IL12RB2: variants seen among roughly 807,000 people sequenced by gnomAD.
IL12RB2 encodes the protein interleukin 12 receptor subunit beta 2.
IL12RB2 carries 82 observed loss-of-function variants against 89.4 expected under a neutral mutation model. The ratio of observed to expected loss-of-function variants is 0.92; its 90% CI spans 0.77 to 1.10. The LOEUF (loss-of-function observed/expected upper bound fraction) is 1.10. Among genes scored for constraint, IL12RB2 ranks in the 50% least tolerant of loss-of-function variants. The probability of loss-of-function intolerance (pLI) is 0.00; values close to 1 mark genes in which losing one functional copy is unlikely to be tolerated. For synonymous variants in IL12RB2, 368 were observed against 370.1 expected (o/e 0.99, Z 0.07); for missense variants, 963 against 1,031.9 (o/e 0.93, Z 0.92).
intron 2 of IL12RB2, among the ~76,000 whole-genome samples, chr1:67,317,449 C>CCAG (rs1180439215): frequency 1.2e-4 from 18 of 152,174 alleles, no homozygotes; most frequent in Admixed American, 1.1e-3. Context: ...CACTTCAGAG[C>CCAG]CAGCAGCAGC....
chr1:67,315,353 T>C (rs1321982347), intron 2 of IL12RB2, among the ~76,000 whole-genome samples: 1 of 152,194 alleles, frequency 6.6e-6, no homozygotes, highest in Non-Finnish European at 1.5e-5. Context: ...TGATCCATGT[T>C]GAAAATTTCT....
At chr1:67,337,396 CTAAG>C (rs1252558872) in intron 8 of IL12RB2, among the ~76,000 whole-genome samples, 1 of 152,188 alleles carries the variant, frequency 6.6e-6, no homozygotes, top group Non-Finnish European at 1.5e-5. Flanking sequence ...CAAAACAAAT[CTAAG>C]TGACTTGATG....
intron 9 of IL12RB2, among the ~76,000 whole-genome samples, chr1:67,347,296 A>G (rs1372807438): frequency 6.6e-6 from 1 of 152,208 alleles, no homozygotes; most frequent in Non-Finnish European, 1.5e-5. Flanking sequence ...ATACAGGCTA[A>G]GCGCTAACAG....
chr1:67,356,478 T>C (rs990411283), intron 10 of IL12RB2, among the ~76,000 whole-genome samples: 3 of 152,174 alleles, frequency 2.0e-5, no homozygotes, highest in African/African-American at 7.2e-5. Context: ...TTCAGCATTT[T>C]TTTCCTGCCA....
Position 67,363,459 on chromosome 1 carries a change from G to A in IL12RB2, c.1259-4366G>A, listed in dbSNP as rs17101835. ...TCGAACTCCCAACCTCAGGTGATTC[G>A]CCCACCTCAGCCTCCCAAAGTGCTG... On this transcript the variant is annotated intron_variant, in intron 10 of 16. Coordinates refer to ENST00000674203, the MANE Select transcript of IL12RB2 (RefSeq NM_001374259.2). Among the ~76,000 whole-genome samples the A allele has an allele frequency of 4.3e-3, 649 of 150,748 alleles. 1 individual carries two copies. The highest frequency in any genetic ancestry group is 6.4e-3 in the Non-Finnish European group (432 of 67,748).
chr1:67,395,966 G>C lies in IL12RB2; in HGVS notation c.2466G>C (p.Leu822=), dbSNP rs775391796. The part of the protein sequence containing the change: ...EAPLADSLEE[L]EPQHISLSVF... ...CTCTCGCTGACTCTCTGGAAGAACT[G>C]GAGCCTCAGCACATCTCCCTTTCTG... Residue 822 remains leucine (L), a synonymous_variant, in exon 17 of 17, where the codon CTG becomes CTC. Coordinates refer to ENST00000674203, the MANE Select transcript of IL12RB2 (RefSeq NM_001374259.2). 3.1e-6 allele frequency: 5 copies of C among 1,608,174 alleles called. No homozygotes were observed. The Admixed American group carries it at 8.3e-5, about 27-fold the overall frequency.
In IL12RB2 at chr1:67,372,737, G is replaced by A; in HGVS notation, c.1671G>A (p.Arg557=). The A allele has an allele frequency of 6.2e-7, 1 of 1,600,540 alleles. No individual in the cohort carries two copies. The highest frequency in any genetic ancestry group is 2.2e-5 in the East Asian group (1 of 44,810). The change falls in exon 13 of 17, where the codon AGG becomes AGA. Residue 557 remains arginine, a synonymous_variant. Transcript: ENST00000674203. ...AAATGGGCTGCCTCCTCCATTATAG[G>A]ATATACTGGAAGGAACGGGACTCCA... is the stretch of plus-strand genomic sequence containing the variant. ...QEQMGCLLHY[R]IYWKERDSNS...
chr1:67,381,765 CAAAAAAAAAAAA>C lies in IL12RB2; in HGVS notation c.1855+1651_1855+1662del, dbSNP rs61066016. On this transcript the variant is annotated intron_variant, in intron 14 of 16. Transcript: ENST00000674203. ...TGGGCGACAGAGTGAGACTATGTTT[CAAAAAAAAAAAA>C]AAAAAAAAGAAAGAAAGTTAACTTG... Among the ~76,000 whole-genome samples, 18 of 123,674 alleles carry C rather than the reference CAAAAAAAAAAAA, an allele frequency of 1.5e-4. 1 individual carries two copies. The South Asian group carries it at 3.7e-3, about 26-fold the overall frequency. The allele number at this position is 123,674 out of a possible 152,430, so 81.1% of individuals were successfully genotyped here. A position where few individuals can be genotyped will look rare whatever the true frequency, so the allele number is the denominator to read the frequency against.
chr1:67,368,922 C>T (rs143027582), intron 11 of IL12RB2, among the ~76,000 whole-genome samples: 7 of 152,292 alleles, frequency 4.6e-5, no homozygotes, highest in African/African-American at 1.7e-4. Context: ...TAGCTCTCAT[C>T]ATTATTATTG....
intron 8 of IL12RB2, among the ~76,000 whole-genome samples, chr1:67,332,029 G>A (rs946326117): frequency 6.6e-6 from 1 of 152,140 alleles, no homozygotes; most frequent in African/African-American, 2.4e-5. Flanking sequence ...ATGTGTGCAT[G>A]TAAACTAGCC....
chr1:67,385,647 C>A (rs1050657955), intron 14 of IL12RB2, among the ~76,000 whole-genome samples: 1 of 152,210 alleles, frequency 6.6e-6, no homozygotes, highest in African/African-American at 2.4e-5. Flanking sequence ...TCAGCGAGTG[C>A]TGGATGAATT....
intron 9 of IL12RB2, 87 bp downstream of exon 9, chr1:67,338,790 C>T: frequency 2.6e-6 from 2 of 767,730 alleles, no homozygotes; most frequent in Non-Finnish European, 4.8e-6. Context: ...TTATATGAAG[C>T]TTCAATGATT....
rs17129903 is a variant in IL12RB2 at position 67,371,821 on chromosome 1, G to A, written c.1460-615G>A. Among the ~76,000 whole-genome samples, 406 of 152,284 alleles carry A rather than the reference G, an allele frequency of 2.7e-3. 2 individuals carry two copies. The highest frequency in any genetic ancestry group is 9.4e-3 in the African/African-American group (392 of 41,564). On this transcript the variant is annotated intron_variant, in intron 11 of 16. Transcript: ENST00000674203. ...CTGAAATCTAACTGGAACATACAGG[G>A]AGAGGAGATGGGGTAACAAGGGGTC...
intron 15 of IL12RB2, among the ~76,000 whole-genome samples, chr1:67,389,035 G>A (rs1480896923): frequency 1.3e-5 from 2 of 151,896 alleles, no homozygotes; most frequent in Non-Finnish European, 2.9e-5. Context: ...TACAGTGCAG[G>A]CTAAACTGCC....
rs17129993 is a variant in IL12RB2 at position 67,397,427 on chromosome 1, T to C, written c.*1338T>C. 5.8e-3 allele frequency among the ~76,000 whole-genome samples: 881 copies of C among 152,238 alleles called. 12 individuals carry two copies. Among genetic ancestry groups the C allele is most frequent in the African/African-American group, 0.02 (833 of 41,550 alleles). ...GGGTCTAAGACCCCAACCTCTGAGG[T>C]TGTCCTCAGAAGTGGTCTGTCCCCT... On this transcript the variant is annotated 3_prime_UTR_variant, in exon 17 of 17. Transcript: ENST00000674203.
At chr1:67,355,422 G>GAAAAAA (rs1171395256) in intron 10 of IL12RB2, among the ~76,000 whole-genome samples, 3 of 93,714 alleles carry the variant, frequency 3.2e-5, no homozygotes, top group Non-Finnish European at 4.2e-5. Flanking sequence ...GTCTCAAAAA[G>GAAAAAA]AAAAAAAAAA....
intron 15 of IL12RB2, among the ~76,000 whole-genome samples, chr1:67,387,718 G>C (rs990329590): frequency 1.5e-3 from 157 of 105,472 alleles, no homozygotes; most frequent in Non-Finnish European, 2.5e-3. Flanking sequence ...AAAAAAAAAA[G>C]AAAGAAATTA....
At chr1:67,343,181 G>A (rs1206648543) in intron 9 of IL12RB2, among the ~76,000 whole-genome samples, 203 of 124,588 alleles carry the variant, frequency 1.6e-3, no homozygotes, top group African/African-American at 4.6e-3. Context: ...TTCACCTCCT[G>A]TGCTCAAGTG....
intron 9 of IL12RB2, among the ~76,000 whole-genome samples, chr1:67,345,532 T>G (rs1660120833): frequency 6.6e-6 from 1 of 152,236 alleles, no homozygotes; most frequent in Admixed American, 6.5e-5. Flanking sequence ...TTTATATTGA[T>G]GTAGGACAAA....
Sources: gnomAD v4.1 joint callset for allele counts (sites outside exome capture counted in the v4.1 genomes callset) on GRCh38, gnomAD v4.1.1 for gene constraint, MANE v1.5 for transcripts, NCBI Gene and HGNC (gene_info 2026-07-23, HGNC 2026-07-21) for gene names.